Variants in PDE1A observed in about 807,000 individuals in gnomAD.
PDE1A encodes the protein dual specificity calcium/calmodulin-dependent 3',5'-cyclic nucleotide phosphodiesterase 1A.
Under a neutral mutation model 61.7 loss-of-function variants are expected in PDE1A, and 35 were observed. The ratio of observed to expected loss-of-function variants is 0.57; its 90% CI spans 0.43 to 0.75. PDE1A has a LOEUF of 0.75. PDE1A is among the 30% of genes least tolerant of loss of function. The pLI is 0.00. For synonymous variants in PDE1A, 232 were observed against 213.2 expected (o/e 1.09, Z -0.77); for missense variants, 597 against 630.6 (o/e 0.95, Z 0.57).
In PDE1A at chr2:182,486,051, A is replaced by AACCTAAAGGTTTTTCT. The variant is rs559658802; in HGVS notation, c.101+36224_101+36225insAGAAAAACCTTTAGGT. 4.4e-3 allele frequency among the ~76,000 whole-genome samples: 663 copies of AACCTAAAGGTTTTTCT among 152,156 alleles called. 5 individuals carry two copies. The highest frequency in any genetic ancestry group is 0.023 in the South Asian group (111 of 4,822). On this transcript the variant is annotated intron_variant, in intron 2 of 14. Coordinates refer to the PDE1A transcript ENST00000410103. The stretch of plus-strand genomic sequence containing the variant: ...AGACTACAGATTCTTTAGGTAGAAA[A>AACCTAAAGGTTTTTCT]ACCTAAAGAATCTATAAAAGGAAGA...
At chr2:182,360,051 A>G (rs1008425060) in intron 1 of PDE1A, among the ~76,000 whole-genome samples, 2 of 152,122 alleles carry the variant, frequency 1.3e-5, no homozygotes, top group African/African-American at 2.4e-5. Context: ...TGATTATTCT[A>G]TGAAAACTAC....
the PDE1A span, among the ~76,000 whole-genome samples, chr2:182,655,173 G>A: frequency 6.6e-6 from 1 of 152,070 alleles, no homozygotes; most frequent in Non-Finnish European, 1.5e-5. Context: ...GTGTCATCAG[G>A]GCTCTCCCCG....
intron 2 of PDE1A, among the ~76,000 whole-genome samples, chr2:182,489,217 A>T (rs1458856947): frequency 6.6e-6 from 1 of 152,204 alleles, no homozygotes; most frequent in South Asian, 2.1e-4. Context: ...GGGCCTGAGC[A>T]TGCCTCAAGT....
intron 1 of PDE1A, among the ~76,000 whole-genome samples, chr2:182,312,173 T>C (rs894065570): frequency 1.3e-5 from 2 of 152,114 alleles, no homozygotes; most frequent in African/African-American, 2.4e-5. Context: ...TTTTGAGAGT[T>C]CTTTATATAT....
At chr2:182,682,257 C>T in the PDE1A span, among the ~76,000 whole-genome samples, 6 of 152,134 alleles carry the variant, frequency 3.9e-5, no homozygotes, top group East Asian at 1.9e-4. Flanking sequence ...AGACTTTAAT[C>T]GGGAGCTGTG....
intron 2 of PDE1A, among the ~76,000 whole-genome samples, chr2:182,517,822 T>C (rs1330757941): frequency 6.6e-6 from 1 of 152,132 alleles, no homozygotes; most frequent in East Asian, 1.9e-4. Flanking sequence ...TGCTGCCCAC[T>C]AAATGCAGAA....
At chr2:182,408,706 C>T (rs1702444192) in intron 1 of PDE1A, among the ~76,000 whole-genome samples, 1 of 152,136 alleles carries the variant, frequency 6.6e-6, no homozygotes, top group Non-Finnish European at 1.5e-5. Context: ...ACACCTACTG[C>T]TCTCTCTATC....
Position 182,245,278 on chromosome 2 carries a change from C to T in PDE1A, c.168-4986G>A, listed in dbSNP as rs529444929. On this transcript the variant is annotated intron_variant, in intron 2 of 13. Transcript: ENST00000351439. ...CATCTCCACCCCCACCTTCACAGTT[C>T]CCATATTACTGACATCTGGTATTAT... 2.6e-5 allele frequency among the ~76,000 whole-genome samples: 4 copies of T among 152,268 alleles called. No homozygotes were observed. The South Asian group carries it at 8.3e-4, about 32-fold the overall frequency.
At chr2:182,490,411 G>A (rs892499795) in intron 2 of PDE1A, among the ~76,000 whole-genome samples, 7 of 151,924 alleles carry the variant, frequency 4.6e-5, no homozygotes, top group African/African-American at 9.7e-5. Context: ...TCGCTCTTTC[G>A]CCCAGGCTGG....
At chr2:182,563,578 G>C in the PDE1A span, among the ~76,000 whole-genome samples, 26 of 152,222 alleles carry the variant, frequency 1.7e-4, no homozygotes, top group African/African-American at 6.0e-4. Flanking sequence ...AGGTCTGCTT[G>C]GTGCAGAGCT....
intron 1 of PDE1A, among the ~76,000 whole-genome samples, chr2:182,361,244 A>G (rs1417580912): frequency 2.6e-5 from 4 of 152,122 alleles, no homozygotes; most frequent in African/African-American, 9.6e-5. Flanking sequence ...TACATAGTAC[A>G]TGTGAAATAA....
the PDE1A span, among the ~76,000 whole-genome samples, chr2:182,611,795 G>T: frequency 4.6e-5 from 7 of 151,732 alleles, no homozygotes; most frequent in African/African-American, 1.7e-4. Flanking sequence ...GAATTGCAAA[G>T]CACAAAAATA....
the PDE1A span, among the ~76,000 whole-genome samples, chr2:182,587,416 C>T: frequency 1.3e-5 from 2 of 152,144 alleles, no homozygotes; most frequent in Non-Finnish European, 2.9e-5. Context: ...AGGTCCAATA[C>T]AGAGACCATC....
intron 8 of PDE1A, among the ~76,000 whole-genome samples, chr2:182,204,719 G>C (rs550905318): frequency 1.3e-5 from 2 of 152,162 alleles, no homozygotes; most frequent in Admixed American, 1.3e-4. Flanking sequence ...ATCCAGAGTG[G>C]GCTATTAGTA....
rs111286444 is a variant in PDE1A at position 182,212,608 on chromosome 2, C to T, written c.777-6543G>A. On this transcript the variant is annotated intron_variant, in intron 7 of 13. Transcript: ENST00000351439. ...GCGAGGCATTGCCTCACTTGGGAAG[C>T]GCAAGGGGTCAGGGAGTTCCCTTTC... 9.4e-3 allele frequency among the ~76,000 whole-genome samples: 1,431 copies of T among 152,322 alleles called. 12 individuals are homozygous for T. Among genetic ancestry groups the T allele is most frequent in the Non-Finnish European group, 0.011 (752 of 68,032 alleles).
At chr2:182,631,006 TAC>T in the PDE1A span, among the ~76,000 whole-genome samples, 666 of 151,986 alleles carry the variant, frequency 4.4e-3, 5 homozygotes, top group Non-Finnish European at 7.7e-3. Context: ...TATATATGTA[TAC>T]ACACACACAC....
the PDE1A span, among the ~76,000 whole-genome samples, chr2:182,577,960 G>A: frequency 6.8e-6 from 1 of 146,754 alleles, no homozygotes; most frequent in South Asian, 2.2e-4. Flanking sequence ...AAGGAAGGAA[G>A]GAAGGAAGGA....
chr2:182,548,180 G>T, the PDE1A span, among the ~76,000 whole-genome samples: 1 of 152,182 alleles, frequency 6.6e-6, no homozygotes, highest in East Asian at 1.9e-4. Context: ...AGACACCAGA[G>T]GTGAAATAGT....
the PDE1A span, among the ~76,000 whole-genome samples, chr2:182,698,566 G>A: frequency 1.3e-5 from 2 of 152,092 alleles, no homozygotes; most frequent in South Asian, 4.1e-4. Context: ...GAAAATATTT[G>A]TTATGATTTT....
Sources: gnomAD v4.1 joint callset for allele counts (sites outside exome capture counted in the v4.1 genomes callset) on GRCh38, gnomAD v4.1.1 for gene constraint, MANE v1.5 for transcripts, NCBI Gene and HGNC (gene_info 2026-07-23, HGNC 2026-07-21) for gene names.